Variants in LOC114841035 observed in about 807,000 individuals in gnomAD.
At chr11:64,243,937 T>G in the LOC114841035 span, 1 of 1,614,088 alleles carries the variant, frequency 6.2e-7, no homozygotes. Flanking sequence ...GTGGCCCTGG[T>G]TGGCATTTTG....
chr11:64,243,869 G>C, the LOC114841035 span: 1 of 1,614,058 alleles, frequency 6.2e-7, no homozygotes, highest in African/African-American at 1.3e-5. Context: ...CTCCCCCAAA[G>C]ATTCCAGGTA....
the LOC114841035 span, chr11:64,242,270 C>A: frequency 1.9e-6 from 2 of 1,068,592 alleles, no homozygotes; most frequent in African/African-American, 1.7e-5. Context: ...AAAGGGGATC[C>A]CCCGGGGCAA....
At chr11:64,243,651 C>A in the LOC114841035 span, 2 of 1,186,472 alleles carry the variant, frequency 1.7e-6, no homozygotes, top group South Asian at 1.3e-5. Flanking sequence ...GAGTACAGGG[C>A]AAGATCATTG....
At chr11:64,244,071 C>A in the LOC114841035 span, 1 of 1,572,654 alleles carries the variant, frequency 6.4e-7, no homozygotes, top group South Asian at 1.2e-5. Flanking sequence ...CCATCAGGGA[C>A]CAGACTGTTC....
the LOC114841035 span, chr11:64,243,903 C>T: frequency 6.2e-7 from 1 of 1,614,082 alleles, no homozygotes; most frequent in Non-Finnish European, 8.5e-7. Context: ...TACCTCCCAT[C>T]ACCTGCAGCC....
the LOC114841035 span, chr11:64,242,500 G>A: frequency 5.1e-6 from 8 of 1,556,370 alleles, no homozygotes; most frequent in Non-Finnish European, 6.9e-6. Flanking sequence ...GTCAAGAAGC[G>A]GGTGGACCAC....
the LOC114841035 span, chr11:64,243,893 T>TA: frequency 1.2e-6 from 2 of 1,614,042 alleles, no homozygotes. Flanking sequence ...AACCTTTTGA[T>TA]ACCTCCCATC....
the LOC114841035 span, chr11:64,242,544 C>T: frequency 6.5e-7 from 1 of 1,548,078 alleles, no homozygotes; most frequent in South Asian, 1.2e-5. Flanking sequence ...GGATGTCCTG[C>T]ACATGCACTA....
the LOC114841035 span, chr11:64,242,227 C>T: frequency 2.9e-6 from 2 of 684,264 alleles, no homozygotes; most frequent in Non-Finnish European, 4.4e-6. Context: ...AGTGTGGCCC[C>T]GGAGCCCGGG....
At chr11:64,243,563 C>G in the LOC114841035 span, 1 of 1,570,376 alleles carries the variant, frequency 6.4e-7, no homozygotes, top group Non-Finnish European at 8.7e-7. Context: ...GTGAAAGCTG[C>G]TTCAGCTTTT....
the LOC114841035 span, chr11:64,244,127 G>C: frequency 1.1e-5 from 15 of 1,354,816 alleles, no homozygotes; most frequent in South Asian, 1.7e-4. Context: ...ACACTTAAAA[G>C]CCCAAGGAGT....
At chr11:64,241,120 G>C in the LOC114841035 span, 1 of 152,574 alleles carries the variant, frequency 6.6e-6, no homozygotes, top group African/African-American at 2.4e-5. Flanking sequence ...GACTCCGGGG[G>C]CGCGGCGAGG....
chr11:64,242,784 A>T, the LOC114841035 span, among the ~76,000 whole-genome samples: 37 of 152,116 alleles, frequency 2.4e-4, no homozygotes, highest in Admixed American at 2.4e-3. Context: ...CCTCTTAAAG[A>T]ACTATGACCA....
the LOC114841035 span, chr11:64,242,073 A>C: frequency 3.5e-6 from 1 of 285,410 alleles, no homozygotes; most frequent in Non-Finnish European, 6.6e-6. Context: ...ACAGGCGGGA[A>C]CTGAAGAGCG....
chr11:64,244,044 G>T, the LOC114841035 span: 1 of 1,613,652 alleles, frequency 6.2e-7, no homozygotes, highest in East Asian at 2.2e-5. Flanking sequence ...ACTGGGGAGG[G>T]GCAGGGGGAG....
At chr11:64,242,535 G>T in the LOC114841035 span, 1 of 1,553,096 alleles carries the variant, frequency 6.4e-7, no homozygotes, top group South Asian at 1.2e-5. Context: ...GCGCAAAGGG[G>T]ATGTCCTGCA....
At chr11:64,243,099 T>C in the LOC114841035 span, 1 of 983,676 alleles carries the variant, frequency 1.0e-6, no homozygotes, top group Non-Finnish European at 1.6e-6. Context: ...ACCAGGGCTG[T>C]GGGTGGGCGT....
At chr11:64,243,965 C>T in the LOC114841035 span, 6 of 1,614,106 alleles carry the variant, frequency 3.7e-6, no homozygotes, top group South Asian at 5.5e-5. Context: ...TTCTCCCCTA[C>T]AGGTGGTGCA....
the LOC114841035 span, chr11:64,242,302 A>ACCCT: frequency 7.6e-7 from 1 of 1,318,816 alleles, no homozygotes; most frequent in African/African-American, 1.5e-5. Context: ...TGGCGGTGGA[A>ACCCT]CCCTCCTGTT....
Sources: allele counts gnomAD v4.1 joint callset (sites outside exome capture counted in the v4.1 genomes callset), GRCh38; gene constraint gnomAD v4.1.1; transcripts MANE v1.5.